Variants in MARCHF3 observed in about 807,000 individuals in gnomAD.
MARCHF3 encodes membrane associated ring-CH-type finger 3, also known as E3 ubiquitin-protein ligase MARCHF3.
A neutral mutation model predicts 24.2 loss-of-function variants in MARCHF3; 13 were observed. The observed-to-expected ratio is 0.54, with a 90% CI of 0.35 to 0.85. The LOEUF is 0.85. Among genes scored for constraint, MARCHF3 ranks in the 40% least tolerant of loss-of-function variants. The pLI is 0.01. For synonymous variants in MARCHF3, 144 were observed against 137.3 expected (o/e 1.05, Z -0.34); for missense variants, 276 against 325.0 (o/e 0.85, Z 1.16).
At chr5:127,023,227 T>C (rs1194259013) in intron 1 of MARCHF3, among the ~76,000 whole-genome samples, 1 of 152,140 alleles carries the variant, frequency 6.6e-6, no homozygotes, top group East Asian at 1.9e-4. Context: ...TCCACCAATA[T>C]AAGTCCCCTA....
chr5:126,924,904 C>A (rs1207827610), intron 1 of MARCHF3, among the ~76,000 whole-genome samples: 3 of 152,200 alleles, frequency 2.0e-5, no homozygotes, highest in Admixed American at 6.5e-5. Context: ...TTATACATTT[C>A]TTTTCTGGAT....
At chr5:127,028,462 T>C (rs547676109) in intron 1 of MARCHF3, among the ~76,000 whole-genome samples, 15 of 152,300 alleles carry the variant, frequency 9.8e-5, no homozygotes, top group African/African-American at 3.6e-4. Flanking sequence ...TGAATATATG[T>C]CCAGGTTATA....
intron 1 of MARCHF3, among the ~76,000 whole-genome samples, chr5:126,928,517 AC>A (rs771857549): frequency 6.6e-6 from 1 of 152,104 alleles, no homozygotes; most frequent in Non-Finnish European, 1.5e-5. Flanking sequence ...TCAGATAATG[AC>A]CTTTTTCTAG....
At chr5:127,014,172 T>G (rs563969036) in intron 1 of MARCHF3, among the ~76,000 whole-genome samples, 1 of 152,118 alleles carries the variant, frequency 6.6e-6, no homozygotes, top group Non-Finnish European at 1.5e-5. Flanking sequence ...ATATCCAGAA[T>G]ATACAGAGAA....
chr5:127,000,217 A>C (rs1270334709), intron 1 of MARCHF3, among the ~76,000 whole-genome samples: 1 of 151,970 alleles, frequency 6.6e-6, no homozygotes, highest in African/African-American at 2.4e-5. Context: ...CTCTCCCTGT[A>C]GCCTCAATAA....
intron 3 of MARCHF3, among the ~76,000 whole-genome samples, chr5:126,897,416 C>T (rs1006192403): frequency 4.6e-5 from 7 of 151,774 alleles, no homozygotes; most frequent in Non-Finnish European, 1.0e-4. Context: ...CTCCTTACTC[C>T]TCAAATAAAA....
intron 1 of MARCHF3, among the ~76,000 whole-genome samples, chr5:126,998,424 T>A (rs1392269359): frequency 6.6e-6 from 1 of 152,046 alleles, no homozygotes; most frequent in Non-Finnish European, 1.5e-5. Flanking sequence ...GGATCAAGAG[T>A]GAAACTGGAG....
At chr5:126,907,807 T>G (rs1483670074) in intron 3 of MARCHF3, among the ~76,000 whole-genome samples, 2 of 151,012 alleles carry the variant, frequency 1.3e-5, no homozygotes, top group Non-Finnish European at 3.0e-5. Flanking sequence ...ATTGGAGCAT[T>G]TAGTCCATTT....
At chr5:126,980,755 G>C (rs993613199) in intron 1 of MARCHF3, among the ~76,000 whole-genome samples, 7 of 152,182 alleles carry the variant, frequency 4.6e-5, no homozygotes, top group African/African-American at 1.7e-4. Flanking sequence ...TGCAAACTTA[G>C]TTTCATCTGG....
chr5:126,982,184 A>C (rs1751417116), intron 1 of MARCHF3, among the ~76,000 whole-genome samples: 1 of 151,994 alleles, frequency 6.6e-6, no homozygotes, highest in South Asian at 2.1e-4. Context: ...ATAACTCTCT[A>C]TCTCCCGCCT....
chr5:126,979,872 C>T (rs1388712347), intron 1 of MARCHF3, among the ~76,000 whole-genome samples: 7 of 141,778 alleles, frequency 4.9e-5, no homozygotes, highest in Admixed American at 7.6e-5. Flanking sequence ...CGCTTGAACC[C>T]GGGAGGTGGA....
chr5:126,980,124 T>C (rs139515647), intron 1 of MARCHF3, among the ~76,000 whole-genome samples: 85 of 152,202 alleles, frequency 5.6e-4, no homozygotes, highest in Admixed American at 1.2e-3. Context: ...AAGCAAAATC[T>C]TTCCTCTTCT....
At chr5:126,967,453 G>A (rs976353905) in intron 1 of MARCHF3, among the ~76,000 whole-genome samples, 4 of 152,162 alleles carry the variant, frequency 2.6e-5, no homozygotes, top group Non-Finnish European at 5.9e-5. Flanking sequence ...AGCACTTTGA[G>A]AGGCCGAGGC....
At chr5:126,920,205 C>T (rs916289577) in intron 1 of MARCHF3, among the ~76,000 whole-genome samples, 1 of 150,988 alleles carries the variant, frequency 6.6e-6, no homozygotes, top group Non-Finnish European at 1.5e-5. Context: ...TGGCAGGGTG[C>T]AGTTGATTTG....
chr5:126,975,701 C>A (rs916092684), intron 1 of MARCHF3, among the ~76,000 whole-genome samples: 2 of 152,146 alleles, frequency 1.3e-5, no homozygotes, highest in Non-Finnish European at 1.5e-5. Context: ...CTGTTGGCAA[C>A]CCACCTGAAG....
Position 126,881,423 on chromosome 5 carries a change from A to G in MARCHF3, c.394-3029T>C, listed in dbSNP as rs1293642148. Among the ~76,000 whole-genome samples the G allele has an allele frequency of 2.0e-5, 3 of 152,342 alleles. No individual in the cohort carries two copies. The East Asian group carries it at 5.8e-4, about 29-fold the overall frequency. On this transcript the variant is annotated intron_variant, in intron 3 of 4. Transcript: ENST00000308660. ...ACCCTTGGCCATGGTAAGAGCTACTAAGTATCCAGATATATCCATATATCG... is the reference window on the plus strand; with the variant it reads ...ACCCTTGGCCATGGTAAGAGCTACTGAGTATCCAGATATATCCATATATCG...
At chr5:126,926,855 C>T (rs1749313176) in intron 1 of MARCHF3, among the ~76,000 whole-genome samples, 1 of 151,734 alleles carries the variant, frequency 6.6e-6, no homozygotes, top group African/African-American at 2.4e-5. Context: ...GTCTGTAGAG[C>T]AACAGGATGA....
intron 4 of MARCHF3, among the ~76,000 whole-genome samples, chr5:126,877,947 G>A (rs1432085320): frequency 6.6e-6 from 1 of 152,140 alleles, no homozygotes; most frequent in African/African-American, 2.4e-5. Context: ...TTGACTGATG[G>A]ACACCCAGAA....
chr5:127,011,403 G>T (rs1345009629), intron 1 of MARCHF3, among the ~76,000 whole-genome samples: 2 of 152,192 alleles, frequency 1.3e-5, no homozygotes, highest in Non-Finnish European at 2.9e-5. Context: ...AATCTAGCAT[G>T]AGGGGATGGC....
Sources: allele counts gnomAD v4.1 joint callset (sites outside exome capture counted in the v4.1 genomes callset), GRCh38; gene constraint gnomAD v4.1.1; transcripts MANE v1.5; gene names NCBI Gene and HGNC (gene_info 2026-07-23, HGNC 2026-07-21).